RPGR: variants seen among roughly 807,000 people sequenced by gnomAD.
RPGR encodes X-linked retinitis pigmentosa GTPase regulator.
RPGR carries 10 observed loss-of-function variants against 56.3 expected under a neutral mutation model. The ratio of observed to expected loss-of-function variants is 0.18; its 90% confidence interval spans 0.11 to 0.30. The LOEUF (loss-of-function observed/expected upper bound fraction) is 0.30. Among genes scored for constraint, RPGR ranks in the 10% least tolerant of loss-of-function variants. The pLI is 1.00. For synonymous variants in RPGR, 197 were observed against 212.9 expected, an observed-to-expected ratio of 0.93 and a Z score of 0.65; for missense variants, 538 against 590.9, an observed-to-expected ratio of 0.91 and a Z score of 0.93.
intron 11 of RPGR, among the ~76,000 whole-genome samples, chrX:38,294,483 C>T (rs1391885678): frequency 8.0e-5 from 9 of 111,878 alleles, no homozygotes; most frequent in Admixed American, 3.8e-4. Context: ...TCTCAAAATA[C>T]TGGGATTATA....
intron 15 of RPGR, chrX:38,276,866 A>C: frequency 2.8e-6 from 2 of 717,429 alleles, no homozygotes; most frequent in Non-Finnish European, 2.1e-6. Flanking sequence ...GTGTCATCTA[A>C]AAAAACCAGG....
At chrX:38,325,574 G>A (rs956492021) in intron 1 of RPGR, among the ~76,000 whole-genome samples, 2 of 112,047 alleles carry the variant, frequency 1.8e-5, no homozygotes, top group African/African-American at 3.2e-5. Context: ...AGCTACTCAG[G>A]AAGTTTCTAA....
At position 38,285,689 on chromosome X, in the gene RPGR, GAT is replaced by G; in HGVS notation, c.1905+1403_1905+1404del. The G allele has an allele frequency of 8.3e-7, 1 of 1,210,488 alleles. No homozygotes were observed. Among genetic ancestry groups the G allele is most frequent in the Non-Finnish European group, 1.1e-6 (1 of 895,131 alleles). ...TGTGTGTTAGTAACTGACTTTTTTT[GAT>G]ATGTTTTATGTTTGCCATATTTCAC... On this transcript the variant is annotated intron_variant, in intron 15 of 18. Coordinates refer to ENST00000642395, the MANE Select transcript of RPGR (RefSeq NM_000328.3).
At chrX:38,298,711 A>G (rs1476323885) in intron 10 of RPGR, among the ~76,000 whole-genome samples, 1 of 111,925 alleles carries the variant, frequency 8.9e-6, no homozygotes, top group African/African-American at 3.2e-5. Context: ...TTATAGCACC[A>G]TTGTCTATAT....
chrX:38,285,335 A>G lies in RPGR; in HGVS notation c.1905+1759T>C, dbSNP rs1601916515. 4 of 1,069,390 alleles carry G rather than the reference A, an allele frequency of 3.7e-6. No individual in the cohort carries two copies. The East Asian group carries it at 1.4e-4, about 37-fold the overall frequency. 88.1% of individuals were successfully genotyped at this position (1,069,390 alleles called of 1,213,427 possible). A position where few individuals can be genotyped will look rare whatever the true frequency, so the allele number is the denominator to read the frequency against. ...TTATAATTTGGGGGGGAAATACACG[A>G]AAATTTTAGTTTGAGAGAGGCCAAA... On this transcript the variant is annotated intron_variant, in intron 15 of 18. Transcript: ENST00000642395.
intron 18 of RPGR, among the ~76,000 whole-genome samples, chrX:38,273,200 C>T (rs1198201599): frequency 9.0e-6 from 1 of 111,605 alleles, no homozygotes; most frequent in East Asian, 2.8e-4. Flanking sequence ...AAAAGAAGAT[C>T]ATCATTCAAA....
intron 18 of RPGR, among the ~76,000 whole-genome samples, chrX:38,270,663 C>T (rs1210312574): frequency 9.4e-6 from 1 of 106,283 alleles, no homozygotes; most frequent in Non-Finnish European, 1.9e-5. Flanking sequence ...CAAATGATGG[C>T]TGTGTGAGCC....
chrX:38,298,629 G>A (rs1302744882), intron 10 of RPGR, among the ~76,000 whole-genome samples: 1 of 111,472 alleles, frequency 9.0e-6, no homozygotes, highest in East Asian at 2.8e-4. Flanking sequence ...GTGAAAGTCA[G>A]TCCACATGCA....
chrX:38,306,830 G>A (rs1278317938), intron 7 of RPGR, among the ~76,000 whole-genome samples: 2 of 112,257 alleles, frequency 1.8e-5, no homozygotes, highest in African/African-American at 6.5e-5. Context: ...TCCCATTCAG[G>A]TGCTTGGATA....
intron 7 of RPGR, among the ~76,000 whole-genome samples, chrX:38,307,252 G>A (rs1354283093): frequency 9.0e-6 from 1 of 111,726 alleles, no homozygotes; most frequent in African/African-American, 3.3e-5. Context: ...CTCACTTAGT[G>A]TGTCCCAAGT....
chrX:38,310,830 T>G, intron 6 of RPGR, 57 bp from the exon 7 acceptor site: 1 of 1,134,356 alleles, frequency 8.8e-7, no homozygotes, highest in East Asian at 3.0e-5. Context: ...AAAAAGCTGG[T>G]CTTACCGTCA....
chrX:38,277,118 T>C (rs183780712), intron 15 of RPGR, among the ~76,000 whole-genome samples: 10 of 112,363 alleles, frequency 8.9e-5, no homozygotes, highest in Admixed American at 6.6e-4. Context: ...CTGTCTACTG[T>C]AGCATTATAA....
At chrX:38,291,182 T>C (rs1489973326) in intron 12 of RPGR, among the ~76,000 whole-genome samples, 158 bp from the exon 13 acceptor site, 1 of 107,111 alleles carries the variant, frequency 9.3e-6, no homozygotes, top group East Asian at 2.8e-4. Flanking sequence ...AGTAATAGAA[T>C]CCGCTCTCAA....
intron 15 of RPGR, chrX:38,284,631 A>C: frequency 1.4e-6 from 1 of 731,952 alleles, no homozygotes; most frequent in Non-Finnish European, 1.6e-6. Flanking sequence ...AAAGAAAACA[A>C]CTGTATAGAA....
chrX:38,312,381 G>A (rs977739224), intron 6 of RPGR, among the ~76,000 whole-genome samples: 3 of 110,672 alleles, frequency 2.7e-5, no homozygotes, highest in Non-Finnish European at 3.8e-5. Flanking sequence ...TTTTCACCTG[G>A]ATCAAGTTTT....
intron 11 of RPGR, among the ~76,000 whole-genome samples, chrX:38,294,092 C>T (rs1383883958): frequency 2.7e-5 from 3 of 111,783 alleles, no homozygotes; most frequent in Non-Finnish European, 5.6e-5. Flanking sequence ...TGATCTTCCC[C>T]TAGAACTGCT....
intron 12 of RPGR, 99 bp from the exon 13 acceptor site, chrX:38,291,123 A>AT (rs10567683): frequency 1.8e-3 from 305 of 172,634 alleles, no homozygotes; most frequent in Non-Finnish European, 2.8e-3. Flanking sequence ...AATTATATAT[A>AT]TTTTTTTATA....
intron 7 of RPGR, among the ~76,000 whole-genome samples, chrX:38,306,692 T>C (rs1221444563): frequency 8.9e-6 from 1 of 112,511 alleles, no homozygotes; most frequent in African/African-American, 3.2e-5. Flanking sequence ...AAAGCAATTA[T>C]CTATCTCTAG....
intron 10 of RPGR, 71 bp from the exon 11 acceptor site, chrX:38,297,523 A>C: frequency 1.1e-6 from 1 of 923,475 alleles, no homozygotes; most frequent in Non-Finnish European, 1.5e-6. Context: ...AACTTTCCTA[A>C]AAGTTGCTAA....
Sources: gnomAD v4.1 joint callset for allele counts (sites outside exome capture counted in the v4.1 genomes callset) on GRCh38, gnomAD v4.1.1 for gene constraint, MANE v1.5 for transcripts, NCBI Gene and HGNC (gene_info 2026-07-23, HGNC 2026-07-21) for gene names.